The following PRKG1 variants were observed in gnomAD, a reference collection of about 807,000 sequenced individuals.
The protein encoded by PRKG1 is cGMP-dependent protein kinase 1.
PRKG1 carries 35 observed loss-of-function variants against 88.1 expected under a neutral mutation model. The observed-to-expected ratio is 0.40, with a 90% CI of 0.30 to 0.53. The LOEUF (loss-of-function observed/expected upper bound fraction) is 0.53. Ranked by LOEUF, PRKG1 falls within the 20% of genes least tolerant of loss-of-function variation. PRKG1 has a pLI of 0.59. For synonymous variants in PRKG1, 303 were observed against 292.5 expected, an observed-to-expected ratio of 1.04 and a Z score of -0.37; for missense variants, 540 against 839.8, an observed-to-expected ratio of 0.64 and a Z score of 4.41.
intron 3 of PRKG1, among the ~76,000 whole-genome samples, chr10:51,746,708 G>C (rs575778277): frequency 5.4e-4 from 81 of 150,042 alleles, no homozygotes; most frequent in Non-Finnish European, 7.5e-4. Flanking sequence ...GGGTGACAGA[G>C]TAAGACCCTG....
chr10:52,138,512 T>C (rs1333029541), intron 8 of PRKG1, among the ~76,000 whole-genome samples: 1 of 152,034 alleles, frequency 6.6e-6, no homozygotes, highest in African/African-American at 2.4e-5. Context: ...TCCCTCAGAA[T>C]CACTCCAGGT....
chr10:51,137,190 ATT>A (rs1845708464), intron 1 of PRKG1, among the ~76,000 whole-genome samples: 1 of 152,012 alleles, frequency 6.6e-6, no homozygotes, highest in African/African-American at 2.4e-5. Flanking sequence ...GGCCTAATTA[ATT>A]ATTTCTTAAA....
At chr10:51,583,839 G>A (rs1431264643) in intron 3 of PRKG1, among the ~76,000 whole-genome samples, 1 of 152,030 alleles carries the variant, frequency 6.6e-6, no homozygotes, top group African/African-American at 2.4e-5. Context: ...TTTTTCTTAG[G>A]ATTAATTCAC....
intron 9 of PRKG1, among the ~76,000 whole-genome samples, chr10:52,210,756 C>T (rs1236606309): frequency 6.6e-6 from 1 of 152,188 alleles, no homozygotes; most frequent in Non-Finnish European, 1.5e-5. Flanking sequence ...ATTCTTCTGT[C>T]CATTTATCCA....
chr10:52,108,573 T>C (rs964762476), intron 7 of PRKG1, among the ~76,000 whole-genome samples: 1 of 152,218 alleles, frequency 6.6e-6, no homozygotes, highest in Non-Finnish European at 1.5e-5. Flanking sequence ...TCTTTCAGTA[T>C]ACTATAAATA....
rs566858106 is a variant in PRKG1 at position 51,554,765 on chromosome 10, G to A, written c.592+86929G>A. ...GGGCTGTCCTTGGATACATGTAGTG[G>A]GTCCTCCATGAGCAAACATTTGTTA... On this transcript the variant is annotated intron_variant, in intron 3 of 17. Transcript: ENST00000373980. 9.2e-5 allele frequency among the ~76,000 whole-genome samples: 14 copies of A among 151,708 alleles called. No individual in the cohort carries two copies. In the South Asian group the frequency reaches 2.9e-3, roughly 32 times the overall value.
chr10:51,218,588 C>CATTTACAT (rs1185914224), intron 2 of PRKG1, among the ~76,000 whole-genome samples: 1 of 138,786 alleles, frequency 7.2e-6, no homozygotes, highest in African/African-American at 2.7e-5. Flanking sequence ...ATGTATTTGG[C>CATTTACAT]ATTTACATAA....
chr10:52,076,547 ACT>A (rs1407213560), intron 7 of PRKG1, among the ~76,000 whole-genome samples: 1 of 152,160 alleles, frequency 6.6e-6, no homozygotes, highest in Admixed American at 6.5e-5. Flanking sequence ...ACAGAGCAAG[ACT>A]CTGTCAGAAG....
intron 3 of PRKG1, among the ~76,000 whole-genome samples, chr10:51,791,979 G>A (rs1425745551): frequency 1.3e-5 from 2 of 152,134 alleles, no homozygotes; most frequent in South Asian, 2.1e-4. Flanking sequence ...AATTAGAGAC[G>A]TGAATTAAAT....
At chr10:51,737,727 TTATTTATTTATTA>T (rs1315545403) in intron 3 of PRKG1, among the ~76,000 whole-genome samples, 1 of 111,716 alleles carries the variant, frequency 9.0e-6, no homozygotes, top group East Asian at 2.5e-4. Context: ...ATTTATTTAT[TTATTTATTTATTA>T]ATTATTATTA....
intron 3 of PRKG1, among the ~76,000 whole-genome samples, chr10:51,523,006 C>T (rs770069165): frequency 4.3e-4 from 65 of 152,232 alleles, no homozygotes; most frequent in African/African-American, 1.3e-3. Context: ...AAACAATGTC[C>T]TTATTGTGAA....
intron 5 of PRKG1, among the ~76,000 whole-genome samples, chr10:51,966,823 T>C (rs538001349): frequency 6.6e-6 from 1 of 152,306 alleles, no homozygotes; most frequent in African/African-American, 2.4e-5. Context: ...TCAGCATCAC[T>C]GGTCATCAGA....
At chr10:51,027,407 A>T (rs1843221580) in intron 1 of PRKG1, among the ~76,000 whole-genome samples, 1 of 152,184 alleles carries the variant, frequency 6.6e-6, no homozygotes, top group South Asian at 2.1e-4. Flanking sequence ...TAGCTCACCT[A>T]AAGGCTATTG....
At chr10:52,190,841 A>G (rs1276445608) in intron 9 of PRKG1, among the ~76,000 whole-genome samples, 1 of 152,162 alleles carries the variant, frequency 6.6e-6, no homozygotes, top group Non-Finnish European at 1.5e-5. Flanking sequence ...TGCTTTGTCG[A>G]GTTCTTTAAA....
chr10:51,765,440 A>G (rs1838132688), intron 3 of PRKG1, among the ~76,000 whole-genome samples: 8 of 152,084 alleles, frequency 5.3e-5, no homozygotes, highest in Admixed American at 5.2e-4. Flanking sequence ...CTAATAATCA[A>G]ATCTTCTATG....
At chr10:51,135,489 A>G (rs2131944399) in intron 1 of PRKG1, among the ~76,000 whole-genome samples, 1 of 152,284 alleles carries the variant, frequency 6.6e-6, no homozygotes, top group South Asian at 2.1e-4. Flanking sequence ...TGGGGCAAAA[A>G]ACCCAGAATA....
chr10:51,762,738 A>G (rs1838051998), intron 3 of PRKG1, among the ~76,000 whole-genome samples: 1 of 152,178 alleles, frequency 6.6e-6, no homozygotes, highest in Admixed American at 6.5e-5. Context: ...ATTATAAACA[A>G]TCCTTGCTCT....
chr10:52,274,019 C>A (rs1285176084), intron 12 of PRKG1, among the ~76,000 whole-genome samples: 3 of 151,942 alleles, frequency 2.0e-5, no homozygotes. Flanking sequence ...TTGAAGTCTT[C>A]TACTTTTTTT....
At chr10:51,079,211 G>A (rs1408870072) in intron 1 of PRKG1, among the ~76,000 whole-genome samples, 1 of 152,160 alleles carries the variant, frequency 6.6e-6, no homozygotes, top group East Asian at 1.9e-4. Context: ...AGCTACATAG[G>A]TCCTACCATC....
Sources: gnomAD v4.1 joint callset for allele counts (sites outside exome capture counted in the v4.1 genomes callset) on GRCh38, gnomAD v4.1.1 for gene constraint, MANE v1.5 for transcripts, NCBI Gene and HGNC (gene_info 2026-07-23, HGNC 2026-07-21) for gene names.